Variants in FUT8 observed in about 807,000 individuals in gnomAD.
FUT8 encodes alpha-(1,6)-fucosyltransferase.
FUT8 carries 29 observed loss-of-function variants against 71.3 expected under a neutral mutation model. The ratio of observed to expected loss-of-function variants is 0.41; its 90% CI spans 0.30 to 0.55. The LOEUF (loss-of-function observed/expected upper bound fraction) is 0.55, where lower values mean the gene tolerates loss of function less well. Ranked by LOEUF, FUT8 falls within the 20% of genes least tolerant of loss-of-function variation. The pLI, the probability that FUT8 is intolerant of heterozygous loss-of-function variation, is 0.34. For missense variants in FUT8, 544 were observed against 702.1 expected, an observed-to-expected ratio of 0.77 and a Z score of 2.55; for synonymous variants, 254 against 239.3, an observed-to-expected ratio of 1.06 and a Z score of -0.57.
At chr14:65,692,180 G>A (rs1222501807) in intron 7 of FUT8, among the ~76,000 whole-genome samples, 2 of 151,622 alleles carry the variant, frequency 1.3e-5, no homozygotes, top group African/African-American at 4.8e-5. Flanking sequence ...AGGGGTGGCC[G>A]GGCAGAGGTT....
the FUT8 span, among the ~76,000 whole-genome samples, chr14:65,387,346 C>T: frequency 6.6e-6 from 1 of 152,092 alleles, no homozygotes; most frequent in Non-Finnish European, 1.5e-5. Context: ...TTTTTCCATT[C>T]GGGGAATGTG....
intron 1 of FUT8, among the ~76,000 whole-genome samples, chr14:65,415,680 T>A (rs1371973546): frequency 7.0e-6 from 1 of 143,250 alleles, no homozygotes; most frequent in Non-Finnish European, 1.5e-5. Context: ...TAGATATAAT[T>A]CCTTTTTTTT....
At chr14:65,388,982 A>G in the FUT8 span, among the ~76,000 whole-genome samples, 2 of 151,132 alleles carry the variant, frequency 1.3e-5, no homozygotes, top group African/African-American at 4.8e-5. Flanking sequence ...AAATGTATAT[A>G]TGCATATATA....
At chr14:65,629,460 A>G in intron 5 of FUT8, 32 bp from the exon 6 acceptor site, 1 of 1,397,998 alleles carries the variant, frequency 7.2e-7, no homozygotes, top group Non-Finnish European at 1.0e-6. Flanking sequence ...AGTACAGACA[A>G]GTTCGATCTC....
At chr14:65,410,822 A>C (rs1197047525), upstream of FUT8, 1 of 152,076 alleles carries the variant, frequency 6.6e-6, no homozygotes, top group Non-Finnish European at 1.5e-5. Flanking sequence ...TATGTTGCCC[A>C]GGCTGAAGTG....
chr14:65,525,486 C>T (rs900970895), intron 2 of FUT8, among the ~76,000 whole-genome samples: 4 of 152,142 alleles, frequency 2.6e-5, no homozygotes, highest in Admixed American at 2.6e-4. Context: ...AGTGGTCTAT[C>T]AATTTTGTTG....
In FUT8 at chr14:65,691,120, G is replaced by A. The variant is rs529642026; in HGVS notation, c.835+21640G>A. Among the ~76,000 whole-genome samples, 19 of 151,246 alleles carry A rather than the reference G, an allele frequency of 1.3e-4. 3 individuals are homozygous for A. Among genetic ancestry groups the A allele is most frequent in the African/African-American group, 4.4e-4 (18 of 40,570 alleles). Reference sequence around the variant, plus strand: ...GGTTTTTTGCTGGTTTTTTTGGGGGGTGGAGGGGCAGGGGCAAGTTGCCAA... The same window carrying A: ...GGTTTTTTGCTGGTTTTTTTGGGGGATGGAGGGGCAGGGGCAAGTTGCCAA... On this transcript the variant is annotated intron_variant, in intron 7 of 10. Transcript: ENST00000673929.
chr14:65,502,251 A>T (rs1450702871), intron 2 of FUT8, among the ~76,000 whole-genome samples: 1 of 147,082 alleles, frequency 6.8e-6, no homozygotes, highest in East Asian at 2.0e-4. Flanking sequence ...TTGAGACAGA[A>T]TCTCACTCTG....
chr14:65,366,263 C>T, the FUT8 span, among the ~76,000 whole-genome samples: 10 of 152,112 alleles, frequency 6.6e-5, no homozygotes, highest in African/African-American at 2.4e-4. Flanking sequence ...GAAAATGAGA[C>T]ACTGTAATGT....
chr14:65,741,836 C>A (rs549130150), intron 10 of FUT8, among the ~76,000 whole-genome samples: 1 of 151,890 alleles, frequency 6.6e-6, no homozygotes, highest in South Asian at 2.1e-4. Context: ...TTCTTTTGTA[C>A]TATATAGAGA....
chr14:65,598,394 T>C (rs1311250989), intron 3 of FUT8, among the ~76,000 whole-genome samples: 1 of 152,098 alleles, frequency 6.6e-6, no homozygotes, highest in Non-Finnish European at 1.5e-5. Flanking sequence ...AGCTAAGTTT[T>C]GTGTTTTTAA....
intron 9 of FUT8, among the ~76,000 whole-genome samples, chr14:65,727,073 C>G (rs1011696508): frequency 1.3e-5 from 2 of 152,236 alleles, no homozygotes; most frequent in South Asian, 4.1e-4. Context: ...CAGCTCCACC[C>G]CTATGGCTTT....
chr14:65,370,685 T>C, the FUT8 span, among the ~76,000 whole-genome samples: 2 of 151,604 alleles, frequency 1.3e-5, no homozygotes, highest in African/African-American at 2.4e-5. Context: ...CTTGAAACTG[T>C]AGAAGAAGAA....
intron 5 of FUT8, among the ~76,000 whole-genome samples, chr14:65,624,838 G>T (rs1427875266): frequency 6.6e-6 from 1 of 152,194 alleles, no homozygotes; most frequent in Non-Finnish European, 1.5e-5. Flanking sequence ...ACTTTGGGAG[G>T]CCAGTCACCT....
At chr14:65,584,179 CTTT>C (rs5809283) in intron 3 of FUT8, among the ~76,000 whole-genome samples, 22 of 125,882 alleles carry the variant, frequency 1.7e-4, no homozygotes, top group Admixed American at 3.2e-4. Flanking sequence ...CACGCCCAGC[CTTT>C]TTTTTTTTTT....
At chr14:65,568,711 T>C (rs2183277) in intron 3 of FUT8, among the ~76,000 whole-genome samples, 105,573 of 150,798 alleles carry the variant, frequency 0.7, 37,259 homozygotes, top group East Asian at 0.9. Context: ...GCTTAAGAAA[T>C]GTGTATTCTG....
chr14:65,730,204 G>A (rs1217248416), intron 9 of FUT8, among the ~76,000 whole-genome samples: 1 of 152,194 alleles, frequency 6.6e-6, no homozygotes, highest in Non-Finnish European at 1.5e-5. Context: ...CTTAAATGAT[G>A]TATAGTGTTC....
chr14:65,365,636 C>G, the FUT8 span, among the ~76,000 whole-genome samples: 1 of 152,138 alleles, frequency 6.6e-6, no homozygotes, highest in African/African-American at 2.4e-5. Context: ...GTCGTCCTCA[C>G]TGCTGCACTC....
In FUT8 at chr14:65,455,858, G is replaced by A. The variant is rs1187457211; in HGVS notation, c.-228+140G>A. ...AAGTCAGTCTAAACTCTGTTGAATT[G>A]TGTATTAGTTAAGAAACATTTTCTT... On this transcript the variant is annotated intron_variant, in intron 2 of 10. Coordinates refer to ENST00000673929, the MANE Select transcript of FUT8 (RefSeq NM_001371533.1). The A allele has an allele frequency of 1.8e-5, 7 of 391,020 alleles. No homozygotes were observed. In the Admixed American group the frequency reaches 3.1e-4, roughly 17 times the overall value. 24.2% of individuals were successfully genotyped at this position (391,020 alleles called of 1,614,324 possible).
Sources: gnomAD v4.1 joint callset for allele counts (sites outside exome capture counted in the v4.1 genomes callset) on GRCh38, gnomAD v4.1.1 for gene constraint, MANE v1.5 for transcripts, NCBI Gene and HGNC (gene_info 2026-07-23, HGNC 2026-07-21) for gene names.